FBXO21: variants seen among roughly 807,000 people sequenced by gnomAD.
FBXO21 encodes the protein F-box protein 21.
In FBXO21, 32 loss-of-function variants were observed where a neutral mutation model predicts 76.6. That is an observed-to-expected ratio of 0.42 (90% CI 0.32 to 0.56). The LOEUF (loss-of-function observed/expected upper bound fraction) is 0.56, where lower values mean the gene tolerates loss of function less well. Ranked by LOEUF, FBXO21 falls within the 20% of genes least tolerant of loss-of-function variation. The probability of loss-of-function intolerance (pLI) is 0.16; values close to 1 mark genes in which losing one functional copy is unlikely to be tolerated. For missense variants in FBXO21, 586 were observed against 797.3 expected, an observed-to-expected ratio of 0.73 and a Z score of 3.19; for synonymous variants, 328 against 311.5, an observed-to-expected ratio of 1.05 and a Z score of -0.56.
In FBXO21 at chr12:117,190,195, G is replaced by A. The variant is rs200244219; in HGVS notation, c.239+23C>T. 9.5e-6 allele frequency: 12 copies of A among 1,258,806 alleles called. No homozygotes were observed. The East Asian group carries it at 3.9e-4, about 41-fold the overall frequency. 78.0% of individuals were successfully genotyped at this position (1,258,806 alleles called of 1,614,324 possible). ...GGCGCGGGGCGGTGGGCGCGCAGCC[G>A]GGGCGCGGGGCCGCTGGCTCACCTC... On this transcript the variant is annotated intron_variant, in intron 1 of 11. Transcript: ENST00000622495.
Position 117,188,464 on chromosome 12 carries a change from G to C in FBXO21, c.375+763C>G, listed in dbSNP as rs911151971. On this transcript the variant is annotated intron_variant, in intron 2 of 11. Coordinates refer to ENST00000622495, the MANE Select transcript of FBXO21 (RefSeq NM_015002.3). ...GGAGGCTGAGACATGAGAATTGCTC[G>C]AGCCCAGGAGTAGGAGGTTGCAGTG... is the stretch of plus-strand genomic sequence containing the variant. Among the ~76,000 whole-genome samples the C allele has an allele frequency of 2.6e-5, 4 of 152,182 alleles. No homozygotes were observed. In the South Asian group the frequency reaches 8.3e-4, roughly 32 times the overall value.
chr12:117,155,610 C>A (rs1283771847), intron 11 of FBXO21, 181 bp downstream of exon 11: 2 of 681,542 alleles, frequency 2.9e-6, no homozygotes, highest in Non-Finnish European at 2.5e-6. Flanking sequence ...CTCGCCAGGG[C>A]GGCACCTGTG....
chr12:117,167,964 G>A lies in FBXO21; in HGVS notation c.1014-887C>T, dbSNP rs537586742. ...ACCTGCACTCGAACTGCACTAGTAT[G>A]CTGGGGCTGGCCCTCGCTGAGCACA... On this transcript the variant is annotated intron_variant, in intron 7 of 11. Transcript: ENST00000622495. Among the ~76,000 whole-genome samples the A allele has an allele frequency of 3.7e-4, 57 of 152,268 alleles. 1 individual carries two copies. The South Asian group carries it at 0.011, about 28-fold the overall frequency.
chr12:117,178,470 A>G (rs1351865504), intron 3 of FBXO21, among the ~76,000 whole-genome samples: 3 of 152,000 alleles, frequency 2.0e-5, no homozygotes, highest in Non-Finnish European at 4.4e-5. Context: ...CACGCCACCC[A>G]ATCCTCGCCT....
chr12:117,165,736 G>T, intron 8 of FBXO21, 119 bp from the exon 9 acceptor site: 4 of 979,188 alleles, frequency 4.1e-6, no homozygotes, highest in Admixed American at 2.7e-5. Flanking sequence ...TCTGATTCTG[G>T]TATTTCTTCT....
intron 7 of FBXO21, among the ~76,000 whole-genome samples, chr12:117,169,482 T>C (rs546942836): frequency 6.6e-6 from 1 of 151,108 alleles, no homozygotes; most frequent in Non-Finnish European, 1.5e-5. Flanking sequence ...GAAATTCTAT[T>C]ACAACAAAAA....
intron 11 of FBXO21, among the ~76,000 whole-genome samples, chr12:117,147,651 G>C (rs749307288): frequency 3.3e-5 from 5 of 151,426 alleles, no homozygotes; most frequent in Admixed American, 6.6e-5. Flanking sequence ...TAAAAGGCTT[G>C]GTTTCCCACT....
At chr12:117,174,458 C>T in intron 5 of FBXO21, 117 bp from the exon 6 acceptor site, 2 of 1,294,150 alleles carry the variant, frequency 1.5e-6, no homozygotes, top group Admixed American at 1.8e-5. Context: ...TCAAGTGTTG[C>T]CAATCTAGGA....
intron 10 of FBXO21, among the ~76,000 whole-genome samples, chr12:117,156,712 C>A (rs1261622828): frequency 1.3e-5 from 2 of 152,096 alleles, no homozygotes; most frequent in African/African-American, 4.8e-5. Context: ...ATAGTCCTTT[C>A]TCTCTTATAA....
intron 1 of FBXO21, 23 bp downstream of exon 1, chr12:117,190,195 G>C (rs200244219): frequency 2.4e-6 from 3 of 1,258,698 alleles, no homozygotes; most frequent in African/African-American, 1.6e-5. Flanking sequence ...GCGCGCAGCC[G>C]GGGCGCGGGG....
intron 11 of FBXO21, among the ~76,000 whole-genome samples, chr12:117,148,881 G>C (rs1272399405): frequency 6.6e-6 from 1 of 152,220 alleles, no homozygotes; most frequent in African/African-American, 2.4e-5. Flanking sequence ...GAAGGAAACT[G>C]AGTCATCCAC....
rs145415182 is a variant in FBXO21, at chr12:117,161,003, C to T, written c.1327-2940G>A. ...CATGGGCCAGGAATTGTGTTGAGAGCGTGGGGAAGGCGACAGTTAGGAACA... is the reference window on the plus strand; with the variant it reads ...CATGGGCCAGGAATTGTGTTGAGAGTGTGGGGAAGGCGACAGTTAGGAACA... On this transcript the variant is annotated intron_variant, in intron 9 of 11. Coordinates refer to ENST00000622495, the MANE Select transcript of FBXO21 (RefSeq NM_015002.3). Among the ~76,000 whole-genome samples the T allele has an allele frequency of 4.8e-4, 73 of 152,120 alleles. No individual in the cohort carries two copies. In the Middle Eastern group the frequency reaches 0.017, roughly 35 times the overall value.
intron 9 of FBXO21, among the ~76,000 whole-genome samples, chr12:117,160,713 T>C (rs2135858042): frequency 6.6e-6 from 1 of 152,302 alleles, no homozygotes; most frequent in East Asian, 1.9e-4. Flanking sequence ...AGCCTTGGCG[T>C]TGACCTCCCA....
chr12:117,158,207 G>GA, intron 9 of FBXO21, 144 bp from the exon 10 acceptor site: 2 of 867,640 alleles, frequency 2.3e-6, no homozygotes, highest in Non-Finnish European at 3.6e-6. Flanking sequence ...AACCGGTCCA[G>GA]GTCTCTGGAC....
intron 6 of FBXO21, among the ~76,000 whole-genome samples, chr12:117,173,233 G>A (rs1176848246): frequency 6.6e-6 from 1 of 152,138 alleles, no homozygotes; most frequent in Non-Finnish European, 1.5e-5. Flanking sequence ...GTTTCGCCAT[G>A]TTGGCCAGGC....
intron 2 of FBXO21, among the ~76,000 whole-genome samples, chr12:117,188,323 T>C (rs574713291): frequency 6.6e-6 from 1 of 152,280 alleles, no homozygotes; most frequent in South Asian, 2.1e-4. Context: ...GGCCGGCGGA[T>C]CACTTGAGAC....
chr12:117,167,064 T>C lies in FBXO21; in HGVS notation c.1027A>G (p.Ile343Val). The change falls in exon 8 of 12, where the codon ATC becomes GTC. Residue 343 changes from isoleucine to valine, a missense_variant. Around this residue, in one of 6 missense-constraint regions of FBXO21, gnomAD observed 246 missense variants for 356.8 expected, o/e 0.69. Transcript: ENST00000622495. ...GCATCTATGTAGATGTAGTCAAAGA[T>C]GTCCAGGGTCGCCCTATCCAAAGAG... ...CQGAEGATLD[I>V]FDYIYIDAFG... is the part of the protein sequence containing the mutation. 6.2e-7 allele frequency: 1 copy of C among 1,614,054 alleles called. No individual in the cohort carries two copies. The highest frequency in any genetic ancestry group is 8.5e-7 in the Non-Finnish European group (1 of 1,179,992).
intron 4 of FBXO21, among the ~76,000 whole-genome samples, chr12:117,176,713 T>C (rs1956178184): frequency 6.6e-6 from 1 of 152,150 alleles, no homozygotes; most frequent in Non-Finnish European, 1.5e-5. Context: ...GTGGTGGCAC[T>C]TGAGCACGGG....
Position 117,145,767 on chromosome 12 carries a change from A to AATGATTAC in FBXO21, c.*312_*319dup. 1 of 196,986 alleles carries AATGATTAC rather than the reference A, an allele frequency of 5.1e-6. No homozygotes were observed. Among genetic ancestry groups the AATGATTAC allele is most frequent in the East Asian group, 1.3e-4 (1 of 7,916 alleles). 12.2% of individuals were successfully genotyped at this position (196,986 alleles called of 1,614,324 possible). ...ACAGGGGAATGGAGTGAATACAAAG[A>AATGATTAC]ATGATTACAGGAGCGTCGACTGTGA... is the stretch of plus-strand genomic sequence containing the variant. On this transcript the variant is annotated 3_prime_UTR_variant, in exon 12 of 12. Coordinates refer to ENST00000622495, the MANE Select transcript of FBXO21 (RefSeq NM_015002.3).
Sources: allele counts gnomAD v4.1 joint callset (sites outside exome capture counted in the v4.1 genomes callset), GRCh38; gene constraint gnomAD v4.1.1; regional missense constraint gnomAD v4.1.1; transcripts MANE v1.5; gene names NCBI Gene and HGNC (gene_info 2026-07-23, HGNC 2026-07-21).